CLCN6: variants seen among roughly 807,000 people sequenced by gnomAD.
The protein encoded by CLCN6 is H(+)/Cl(-) exchange transporter 6.
Under a neutral mutation model 109.8 loss-of-function variants are expected in CLCN6, and 70 were observed. The observed-to-expected ratio is 0.64, with a 90% CI of 0.53 to 0.78. CLCN6 has a LOEUF of 0.78. CLCN6 is among the 30% of genes least tolerant of loss of function. The pLI is 0.00. For missense variants in CLCN6, 984 were observed against 1,142.3 expected (o/e 0.86, Z 2.00); for synonymous variants, 444 against 447.8 (o/e 0.99, Z 0.11).
chr1:11,820,541 C>G (rs1018149501), intron 5 of CLCN6: 1 of 549,336 alleles, frequency 1.8e-6, no homozygotes, highest in African/African-American at 1.9e-5. Context: ...CAGAGGCAGG[C>G]GGATCACAAG....
In CLCN6 at chr1:11,815,833, T is replaced by C. The variant is rs1330349031; in HGVS notation, c.148-13T>C. 3.1e-6 allele frequency: 5 copies of C among 1,611,910 alleles called. No individual in the cohort carries two copies. The highest frequency in any genetic ancestry group is 1.1e-5 in the South Asian group (1 of 90,908). On this transcript the variant is annotated splice_polypyrimidine_tract_variant and intron_variant, in intron 2 of 22. Coordinates refer to ENST00000346436, the MANE Select transcript of CLCN6 (RefSeq NM_001286.5). ...CTGACATGACCTTTTGACTCAACTT[T>C]GCCTCTTTTCAGAGTTTGGATTATG...
At chr1:11,807,470 C>T (rs1334070014) in intron 2 of CLCN6, among the ~76,000 whole-genome samples, 2 of 152,232 alleles carry the variant, frequency 1.3e-5, no homozygotes. Context: ...TTACAGCTTA[C>T]AGAGAGACTT....
rs761643318 is a variant in CLCN6 at position 11,836,015 on chromosome 1, G to C, written c.1842G>C (p.Pro614=). Residue 614 remains proline, a synonymous_variant, in exon 18 of 23, where the codon CCG becomes CCC. Coordinates refer to ENST00000346436, the MANE Select transcript of CLCN6 (RefSeq NM_001286.5). ...IMEPNLTYVY[P]HTRIQSLVSI... ...AGCCCAACCTGACCTACGTCTACCC[G>C]CACACCCGCATCCAGTCTCTGGTGA... 8.7e-6 allele frequency: 14 copies of C among 1,613,610 alleles called. No individual in the cohort carries two copies. The highest frequency in any genetic ancestry group is 1.7e-5 in the Admixed American group (1 of 59,926).
chr1:11,836,251 C>A, intron 18 of CLCN6, 98 bp downstream of exon 18: 1 of 1,146,654 alleles, frequency 8.7e-7, no homozygotes, highest in South Asian at 1.5e-5. Flanking sequence ...GGTGGACTTA[C>A]CGGCTCTCAG....
chr1:11,806,717 C>T (rs754626743), intron 1 of CLCN6: 3 of 357,784 alleles, frequency 8.4e-6, no homozygotes, highest in African/African-American at 4.2e-5. Flanking sequence ...CTCACTCTAT[C>T]CCTCACCCTT....
intron 4 of CLCN6, among the ~76,000 whole-genome samples, chr1:11,817,702 C>G (rs1020902961): frequency 1.3e-5 from 2 of 152,212 alleles, no homozygotes; most frequent in Non-Finnish European, 2.9e-5. Context: ...TGTTGACCAC[C>G]TTTATCTTGA....
chr1:11,819,918 A>G (rs1412652324), intron 5 of CLCN6, among the ~76,000 whole-genome samples: 1 of 152,232 alleles, frequency 6.6e-6, no homozygotes, highest in Non-Finnish European at 1.5e-5. Context: ...CTAAATGACA[A>G]GAAGGTGGAC....
intron 9 of CLCN6, 62 bp downstream of exon 9, chr1:11,826,276 A>G (rs1644810441): frequency 1.5e-6 from 2 of 1,330,900 alleles, no homozygotes; most frequent in Middle Eastern, 1.8e-4. Flanking sequence ...GCTGCGGGTC[A>G]GACTCGACAC....
chr1:11,824,903 A>C (rs543867546), intron 8 of CLCN6, among the ~76,000 whole-genome samples: 1 of 152,286 alleles, frequency 6.6e-6, no homozygotes, highest in South Asian at 2.1e-4. Context: ...GCATCGACTG[A>C]CATGGTTTTA....
intron 1 of CLCN6, 83 bp downstream of exon 1, chr1:11,806,432 A>T: frequency 7.7e-7 from 1 of 1,297,440 alleles, no homozygotes; most frequent in Non-Finnish European, 1.0e-6. Flanking sequence ...GGGCCGGGCC[A>T]ATCTGGGCCC....
rs759643082 is a variant in CLCN6, at chr1:11,834,596, G to C, written c.1793+6G>C. On this transcript the variant is annotated splice_donor_region_variant and intron_variant, in intron 17 of 22. Coordinates refer to ENST00000346436, the MANE Select transcript of CLCN6 (RefSeq NM_001286.5). This position sits in a 1 kb window ranked among gnomAD's most constrained non-coding sequence, Gnocchi z 4.5. ...ACAGAGGTGGAAATGGACAAGTAAG[G>C]CCATGATTTTGCTCATGTCCTAGTT... 1 of 1,612,548 alleles carries C rather than the reference G, an allele frequency of 6.2e-7. No homozygotes were observed. The highest frequency in any genetic ancestry group is 8.5e-7 in the Non-Finnish European group (1 of 1,178,892).
At chr1:11,812,427 T>C (rs186671142) in intron 2 of CLCN6, among the ~76,000 whole-genome samples, 60 of 152,260 alleles carry the variant, frequency 3.9e-4, no homozygotes, top group Admixed American at 3.3e-3. Context: ...TTTGGAGTTT[T>C]ATGGAAGCTT....
At chr1:11,806,420 T>G (rs1037192116) in intron 1 of CLCN6, 71 bp downstream of exon 1, 30 of 1,306,676 alleles carry the variant, frequency 2.3e-5, no homozygotes, top group African/African-American at 5.0e-5. Flanking sequence ...TTGCCGGGGG[T>G]GGGGCCGGGC....
chr1:11,816,506 G>T, intron 3 of CLCN6, 109 bp from the exon 4 acceptor site: 1 of 942,000 alleles, frequency 1.1e-6, no homozygotes, highest in Non-Finnish European at 1.7e-6. Context: ...TCTTTACTGT[G>T]CCTGCTCTCC....
At chr1:11,806,688 T>A (rs1644516902) in intron 1 of CLCN6, 1 of 368,592 alleles carries the variant, frequency 2.7e-6, no homozygotes, top group African/African-American at 2.1e-5. Flanking sequence ...TGCTGCTGTT[T>A]TAGCTTCTCC....
rs1306292018 is a variant in CLCN6 at position 11,840,957 on chromosome 1, C to T, written c.*734C>T. 1 of 152,292 alleles carries T rather than the reference C, an allele frequency of 6.6e-6. No individual in the cohort carries two copies. Among genetic ancestry groups the T allele is most frequent in the Non-Finnish European group, 1.5e-5 (1 of 68,090 alleles). The allele number at this position is 152,292 out of a possible 1,614,324, so 9.4% of individuals were successfully genotyped here. ...CCCTAATTCTTAACATTGCAGCTTTCTCTCCATCTGCAGATTATTCCCAGT... is the reference window on the plus strand; with the variant it reads ...CCCTAATTCTTAACATTGCAGCTTTTTCTCCATCTGCAGATTATTCCCAGT... On this transcript the variant is annotated 3_prime_UTR_variant, in exon 23 of 23. Coordinates refer to ENST00000346436, the MANE Select transcript of CLCN6 (RefSeq NM_001286.5).
At chr1:11,824,281 GAC>G (rs1644783441) in intron 7 of CLCN6, among the ~76,000 whole-genome samples, 1 of 152,220 alleles carries the variant, frequency 6.6e-6, no homozygotes, top group Admixed American at 6.5e-5. Flanking sequence ...CTCATTTGCT[GAC>G]ACACAATTTA....
rs780153104 is a variant in CLCN6 at position 11,806,279 on chromosome 1, G to C, written c.17G>C (p.Gly6Ala). The C allele has an allele frequency of 6.7e-7, 1 of 1,494,262 alleles. No individual in the cohort carries two copies. Among genetic ancestry groups the C allele is most frequent in the South Asian group, 1.4e-5 (1 of 72,652 alleles). 92.6% of individuals were successfully genotyped at this position (1,494,262 alleles called of 1,614,324 possible). A position where few individuals can be genotyped will look rare whatever the true frequency, so the allele number is the denominator to read the frequency against. Residue 6 changes from glycine to alanine, a missense_variant, in exon 1 of 23, where the codon GGG becomes GCG. Coordinates refer to ENST00000346436, the MANE Select transcript of CLCN6 (RefSeq NM_001286.5). The part of the protein sequence containing the change: MAGCR[G>A]SLCCCCRWCC... ...AGGAGGAAGATGGCGGGGTGCAGGG[G>C]GTCTCTGTGCTGCTGCTGCAGGTGG... is the stretch of plus-strand genomic sequence containing the variant.
At chr1:11,822,118 G>C (rs1463585772) in intron 5 of CLCN6, among the ~76,000 whole-genome samples, 1 of 151,684 alleles carries the variant, frequency 6.6e-6, no homozygotes, top group Non-Finnish European at 1.5e-5. Flanking sequence ...AAATGGTACT[G>C]AATGTTTTCT....
Sources: gnomAD v4.1 joint callset for allele counts (sites outside exome capture counted in the v4.1 genomes callset) on GRCh38, gnomAD v4.1.1 for gene constraint, Gnocchi (gnomAD v3.1) non-coding constraint, MANE v1.5 for transcripts, NCBI Gene and HGNC (gene_info 2026-07-23, HGNC 2026-07-21) for gene names.